The following MAP3K5 variants were observed in gnomAD, a reference collection of about 807,000 sequenced individuals.
MAP3K5 encodes ASK-1.
In MAP3K5, 56 loss-of-function variants were observed where a neutral mutation model predicts 158.7. The ratio of observed to expected loss-of-function variants is 0.35; its 90% CI spans 0.28 to 0.44. MAP3K5 has a LOEUF of 0.44. Among genes scored for constraint, MAP3K5 ranks in the 20% least tolerant of loss-of-function variants. MAP3K5 has a pLI of 1.00. For missense variants in MAP3K5, 1,294 were observed against 1,674.8 expected, an observed-to-expected ratio of 0.77 and a Z score of 3.97; for synonymous variants, 579 against 601.7, an observed-to-expected ratio of 0.96 and a Z score of 0.55.
At chr6:136,758,804 G>A (rs964329977) in intron 1 of MAP3K5, among the ~76,000 whole-genome samples, 8 of 152,236 alleles carry the variant, frequency 5.3e-5, no homozygotes, top group African/African-American at 1.9e-4. Flanking sequence ...AATGTATTTT[G>A]AGTTTTTGCA....
At chr6:136,672,989 CAA>C (rs538682132) in intron 7 of MAP3K5, among the ~76,000 whole-genome samples, 890 of 83,928 alleles carry the variant, frequency 0.011, 2 homozygotes, top group South Asian at 0.025. Context: ...GACTCTATCT[CAA>C]AAAAAAAAAA....
chr6:136,599,204 T>A (rs1035648729), intron 21 of MAP3K5, among the ~76,000 whole-genome samples: 2 of 150,604 alleles, frequency 1.3e-5, no homozygotes, highest in East Asian at 4.0e-4. Flanking sequence ...CCTAATTTGG[T>A]TAGCACATCT....
chr6:136,566,282 T>C (rs889487830), intron 26 of MAP3K5, among the ~76,000 whole-genome samples: 13 of 152,298 alleles, frequency 8.5e-5, no homozygotes, highest in African/African-American at 3.1e-4. Flanking sequence ...GAAAAGCAGA[T>C]ATACCAGCTC....
At chr6:136,577,523 A>G (rs553212229) in intron 25 of MAP3K5, among the ~76,000 whole-genome samples, 1 of 152,372 alleles carries the variant, frequency 6.6e-6, no homozygotes, top group East Asian at 1.9e-4. Flanking sequence ...TCCTTTCTTT[A>G]GCAAACACTT....
At chr6:136,692,171 A>G (rs1046340247) in intron 7 of MAP3K5, among the ~76,000 whole-genome samples, 38 of 151,964 alleles carry the variant, frequency 2.5e-4, no homozygotes, top group African/African-American at 8.9e-4. Flanking sequence ...CCTCCTGAGT[A>G]GCTGGAACAA....
chr6:136,665,484 T>C (rs923106845), intron 8 of MAP3K5, among the ~76,000 whole-genome samples: 8 of 151,914 alleles, frequency 5.3e-5, no homozygotes, highest in African/African-American at 1.9e-4. Context: ...GGAGCTGGAA[T>C]TACAGAAGCA....
intron 1 of MAP3K5, among the ~76,000 whole-genome samples, chr6:136,721,106 G>T (rs1743676248): frequency 6.6e-6 from 1 of 151,848 alleles, no homozygotes; most frequent in African/African-American, 2.4e-5. Context: ...TAAAGAAGAA[G>T]GAGATCATGT....
At chr6:136,563,874 T>A (rs7758497) in intron 26 of MAP3K5, among the ~76,000 whole-genome samples, 181 of 152,328 alleles carry the variant, frequency 1.2e-3, no homozygotes, top group African/African-American at 4.2e-3. Context: ...TCTATTTGTT[T>A]CATTTTCTGA....
intron 1 of MAP3K5, among the ~76,000 whole-genome samples, chr6:136,752,645 C>A (rs1002982814): frequency 6.6e-6 from 1 of 152,204 alleles, no homozygotes; most frequent in African/African-American, 2.4e-5. Context: ...CCCGTGACCT[C>A]AGGTGATCCG....
At chr6:136,563,510 C>T (rs778988655) in intron 26 of MAP3K5, among the ~76,000 whole-genome samples, 4 of 152,144 alleles carry the variant, frequency 2.6e-5, no homozygotes, top group Admixed American at 6.5e-5. Flanking sequence ...TATTATTCCT[C>T]TTCCTTCTAA....
intron 1 of MAP3K5, among the ~76,000 whole-genome samples, chr6:136,772,100 G>GCA (rs1784225831): frequency 3.3e-5 from 4 of 121,796 alleles, no homozygotes; most frequent in East Asian, 2.5e-4. Flanking sequence ...AGTAGAAATG[G>GCA]GGGGGGGGGG....
At chr6:136,781,826 G>A (rs1350343997) in intron 1 of MAP3K5, among the ~76,000 whole-genome samples, 1 of 152,112 alleles carries the variant, frequency 6.6e-6, no homozygotes, top group Non-Finnish European at 1.5e-5. Context: ...GGTGGCCCCT[G>A]GACAGCAGAA....
chr6:136,616,731 GTGA>G (rs980007235), intron 15 of MAP3K5, among the ~76,000 whole-genome samples: 11 of 150,366 alleles, frequency 7.3e-5, no homozygotes, highest in Non-Finnish European at 1.3e-4. Flanking sequence ...GATGATGATG[GTGA>G]TGATGATGAT....
chr6:136,595,172 C>T (rs928372245), intron 21 of MAP3K5, among the ~76,000 whole-genome samples: 4 of 152,158 alleles, frequency 2.6e-5, no homozygotes, highest in African/African-American at 7.2e-5. Flanking sequence ...GGCTGGAGTG[C>T]AGTGGCATGA....
intron 27 of MAP3K5, 138 bp from the exon 28 acceptor site, chr6:136,561,783 TG>T (rs1371878037): frequency 1.2e-5 from 7 of 572,328 alleles, no homozygotes; most frequent in Non-Finnish European, 2.2e-5. Context: ...CAATTGAGAT[TG>T]GCAGTATAGA....
chr6:136,628,230 GCCT>G (rs1240409306), intron 14 of MAP3K5, among the ~76,000 whole-genome samples: 1 of 151,796 alleles, frequency 6.6e-6, no homozygotes, highest in Admixed American at 6.6e-5. Context: ...TCCCACTTCA[GCCT>G]CCTCAACAGC....
chr6:136,763,835 T>C (rs1783854985), intron 1 of MAP3K5, among the ~76,000 whole-genome samples: 1 of 152,092 alleles, frequency 6.6e-6, no homozygotes, highest in Non-Finnish European at 1.5e-5. Context: ...ATTAATCCAT[T>C]AACAGGTTAT....
intron 15 of MAP3K5, among the ~76,000 whole-genome samples, chr6:136,618,327 G>A (rs548488985): frequency 1.3e-5 from 2 of 152,262 alleles, no homozygotes; most frequent in East Asian, 1.9e-4. Flanking sequence ...AGTTGTCTGC[G>A]ATCTCTTTAC....
chr6:136,575,314 G>T (rs1433037722), intron 25 of MAP3K5, among the ~76,000 whole-genome samples: 3 of 151,578 alleles, frequency 2.0e-5, no homozygotes, highest in Non-Finnish European at 4.4e-5. Context: ...GGCACATGCT[G>T]CCATGCCTGA....
Sources: gnomAD v4.1 joint callset for allele counts (sites outside exome capture counted in the v4.1 genomes callset) on GRCh38, gnomAD v4.1.1 for gene constraint, MANE v1.5 for transcripts, NCBI Gene and HGNC (gene_info 2026-07-23, HGNC 2026-07-21) for gene names.